The following NHSL2 variants were observed in gnomAD, a reference collection of about 807,000 sequenced individuals.
The protein encoded by NHSL2 is NHS-like protein 2.
NHSL2 carries 27 observed loss-of-function variants against 53.4 expected under a neutral mutation model. The ratio of observed to expected loss-of-function variants is 0.51; its 90% CI spans 0.37 to 0.70. NHSL2 has a LOEUF of 0.70. Among genes scored for constraint, NHSL2 ranks in the 30% least tolerant of loss-of-function variants. The pLI, the probability that NHSL2 is intolerant of heterozygous loss-of-function variation, is 0.00. For synonymous variants in NHSL2, 408 were observed against 404.1 expected (o/e 1.01, Z -0.12); for missense variants, 892 against 980.1 (o/e 0.91, Z 1.20).
chrX:72,140,091 C>A lies in NHSL2; in HGVS notation c.2543C>A (p.Pro848His), dbSNP rs2042401648. 1 of 1,207,639 alleles carries A rather than the reference C, an allele frequency of 8.3e-7. No homozygotes were observed. The highest frequency in any genetic ancestry group is 1.8e-5 in the African/African-American group (1 of 56,967). The stretch of plus-strand genomic sequence containing the variant: ...GAGCCGGAAGATGATATTGAGAGCC[C>A]TGAGTATGCCGAGGAACCCAGAGCA... ...KSEPEDDIES[P>H]EYAEEPRAEE... The change falls in exon 6 of 8, where the codon CCT (proline) becomes CAT (histidine). Residue 848 changes from proline (P) to histidine (H), a missense_variant. By Grantham distance (77) the Pro-to-His change is moderately conservative (BLOSUM62 -2). Transcript: ENST00000633930.
At position 72,038,864 on chromosome X, in the gene NHSL2, T is replaced by C. The variant is rs73635610; in HGVS notation, c.281-93215T>C. Among the ~76,000 whole-genome samples, 518 of 111,197 alleles carry C rather than the reference T, an allele frequency of 4.7e-3. 3 individuals carry two copies. Among genetic ancestry groups the C allele is most frequent in the African/African-American group, 0.016 (483 of 30,625 alleles). On this transcript the variant is annotated intron_variant, in intron 1 of 7. Transcript: ENST00000633930. ...TAGGAGATAAAGATATCAAGGTATA[T>C]AACAACATAGGAGATAAGACTAAGT...
At chrX:72,090,816 G>T in intron 1 of NHSL2, among the ~76,000 whole-genome samples, 1 of 107,675 alleles carries the variant, frequency 9.3e-6, no homozygotes, top group South Asian at 3.9e-4. Flanking sequence ...TGTATGGAGA[G>T]GGGGTGGGGA....
chrX:71,987,347 A>T (rs1602296444), intron 1 of NHSL2, among the ~76,000 whole-genome samples: 1 of 112,920 alleles, frequency 8.9e-6, no homozygotes, highest in East Asian at 2.8e-4. Context: ...TCTGGAGTCT[A>T]GAACATCAGA....
chrX:72,064,911 G>A (rs761500734), intron 1 of NHSL2, among the ~76,000 whole-genome samples: 29 of 111,570 alleles, frequency 2.6e-4, no homozygotes, highest in Non-Finnish European at 5.5e-4. Flanking sequence ...ACACCACAGG[G>A]AGTTCAGCCC....
chrX:72,052,256 A>G (rs1466170349), intron 1 of NHSL2, among the ~76,000 whole-genome samples: 1 of 111,920 alleles, frequency 8.9e-6, no homozygotes, highest in East Asian at 2.8e-4. Flanking sequence ...TCCTCTGAGA[A>G]AGTTGCCCTC....
At chrX:72,110,741 A>C (rs982632387) in intron 1 of NHSL2, among the ~76,000 whole-genome samples, 1 of 106,860 alleles carries the variant, frequency 9.4e-6, no homozygotes, top group African/African-American at 3.4e-5. Flanking sequence ...AAAAAAAAAA[A>C]AAAAAAAAAA....
chrX:72,131,076 G>A (rs2042290369), intron 1 of NHSL2: 2 of 1,207,550 alleles, frequency 1.7e-6, no homozygotes, highest in African/African-American at 1.8e-5. Context: ...CTCCTGAAAA[G>A]GGCTCTATCT....
At chrX:71,995,307 C>T (rs1295939481) in intron 1 of NHSL2, among the ~76,000 whole-genome samples, 1 of 112,265 alleles carries the variant, frequency 8.9e-6, no homozygotes, top group African/African-American at 3.2e-5. Flanking sequence ...CTCAGCACAA[C>T]AGCCGGTGTG....
chrX:72,086,683 C>CAAAAA (rs34481140), intron 1 of NHSL2, among the ~76,000 whole-genome samples: 82 of 22,377 alleles, frequency 3.7e-3, no homozygotes, highest in Admixed American at 6.9e-3. Context: ...AACTCCATCT[C>CAAAAA]AAAAAAAAAA....
chrX:72,141,704 C>T (rs774317232), intron 6 of NHSL2, among the ~76,000 whole-genome samples: 1 of 112,532 alleles, frequency 8.9e-6, no homozygotes, highest in East Asian at 2.8e-4. Flanking sequence ...ATCCATGTTT[C>T]TCATTCTTTT....
chrX:72,130,280 T>C, intron 1 of NHSL2: 1 of 1,198,616 alleles, frequency 8.3e-7, no homozygotes, highest in Non-Finnish European at 1.1e-6. Context: ...TCTTCATCCT[T>C]ACTCTCTCCT....
intron 1 of NHSL2, among the ~76,000 whole-genome samples, chrX:71,964,535 C>G (rs2041892759): frequency 9.0e-6 from 1 of 111,318 alleles, no homozygotes; most frequent in Non-Finnish European, 1.9e-5. Flanking sequence ...GCTGATTGTT[C>G]TATTGTTTTC....
chrX:72,012,947 A>G (rs1278037725), intron 1 of NHSL2, among the ~76,000 whole-genome samples: 3 of 112,448 alleles, frequency 2.7e-5, no homozygotes, highest in Non-Finnish European at 3.8e-5. Flanking sequence ...TAGCTACATA[A>G]TAAGTCCTGA....
intron 1 of NHSL2, among the ~76,000 whole-genome samples, chrX:71,996,514 C>A (rs1392108111): frequency 8.9e-6 from 1 of 112,656 alleles, no homozygotes; most frequent in East Asian, 2.8e-4. Context: ...AGCAACCTCA[C>A]CTCCTCTCCT....
At chrX:72,070,358 G>A (rs1360164766) in intron 1 of NHSL2, among the ~76,000 whole-genome samples, 1 of 110,770 alleles carries the variant, frequency 9.0e-6, no homozygotes, top group African/African-American at 3.3e-5. Context: ...CCTTGAGTTT[G>A]TTGTTCCCCT....
intron 1 of NHSL2, among the ~76,000 whole-genome samples, chrX:72,037,367 G>A (rs1390796621): frequency 9.1e-6 from 1 of 110,183 alleles, no homozygotes; most frequent in Non-Finnish European, 1.9e-5. Context: ...AGCTTGCAGT[G>A]AGCCGAGATG....
chrX:71,946,256 G>A (rs2041792141), intron 1 of NHSL2, among the ~76,000 whole-genome samples: 1 of 112,153 alleles, frequency 8.9e-6, no homozygotes, highest in Admixed American at 9.4e-5. Flanking sequence ...TGGATCTGGA[G>A]AAAGAGTACA....
chrX:72,143,223 C>G (rs752163907), intron 7 of NHSL2, 30 bp from the exon 8 acceptor site: 1 of 1,056,269 alleles, frequency 9.5e-7, no homozygotes, highest in Admixed American at 3.0e-5. Flanking sequence ...GCTGCATTAA[C>G]TCACTCAGAC....
chrX:72,022,313 C>T (rs1439734290), intron 1 of NHSL2, among the ~76,000 whole-genome samples: 1 of 112,622 alleles, frequency 8.9e-6, no homozygotes, highest in Non-Finnish European at 1.9e-5. Flanking sequence ...TTTCCAGAAT[C>T]TTTCTTCTCC....
Sources: gnomAD v4.1 joint callset for allele counts (sites outside exome capture counted in the v4.1 genomes callset) on GRCh38, gnomAD v4.1.1 for gene constraint, MANE v1.5 for transcripts, NCBI Gene and HGNC (gene_info 2026-07-23, HGNC 2026-07-21) for gene names.